The following ADK variants were observed in gnomAD, a reference collection of about 807,000 sequenced individuals.
ADK encodes the protein adenosine kinase, also known as N6,N6-dimethyladenosine kinase.
In ADK, 24 loss-of-function variants were observed where a neutral mutation model predicts 44.7. That is an observed-to-expected ratio of 0.54 (90% CI 0.39 to 0.76). ADK has a LOEUF of 0.76. ADK is among the 30% of genes least tolerant of loss of function. ADK has a pLI of 0.00. For synonymous variants in ADK, 128 were observed against 142.6 expected (o/e 0.90, Z 0.73); for missense variants, 321 against 425.1 (o/e 0.76, Z 2.15).
chr10:74,465,794 A>G (rs1383987269), intron 6 of ADK, among the ~76,000 whole-genome samples: 3 of 152,148 alleles, frequency 2.0e-5, no homozygotes, highest in Non-Finnish European at 4.4e-5. Context: ...TTTTGTATAA[A>G]TTATGGGGAA....
intron 6 of ADK, among the ~76,000 whole-genome samples, chr10:74,503,105 G>A (rs536970925): frequency 4.3e-4 from 65 of 152,004 alleles, no homozygotes; most frequent in Non-Finnish European, 2.6e-4. Flanking sequence ...ACAAAGTATG[G>A]CCTATGAGCC....
At chr10:74,323,594 G>A (rs780160436) in intron 4 of ADK, among the ~76,000 whole-genome samples, 3 of 147,446 alleles carry the variant, frequency 2.0e-5, no homozygotes, top group South Asian at 2.1e-4. Context: ...TTTTTGAGAT[G>A]GAGTCTCGCA....
chr10:74,220,967 G>A (rs909638875), intron 2 of ADK, among the ~76,000 whole-genome samples: 6 of 150,598 alleles, frequency 4.0e-5, no homozygotes, highest in Admixed American at 4.0e-4. Context: ...CACAAGACAG[G>A]GATGCCCTCT....
At chr10:74,275,306 G>C (rs1184695559) in intron 3 of ADK, among the ~76,000 whole-genome samples, 2 of 152,048 alleles carry the variant, frequency 1.3e-5, no homozygotes, top group East Asian at 1.9e-4. Flanking sequence ...CCCTCTCTGC[G>C]CTGGGGTGGG....
At chr10:74,314,782 A>G in intron 4 of ADK, 37 bp downstream of exon 4, 1 of 1,401,550 alleles carries the variant, frequency 7.1e-7, no homozygotes, top group Non-Finnish European at 1.0e-6. Context: ...AGGATTCAAA[A>G]TGATTCTAGA....
chr10:74,522,707 A>G (rs1322588504), intron 6 of ADK, among the ~76,000 whole-genome samples: 1 of 152,046 alleles, frequency 6.6e-6, no homozygotes, highest in South Asian at 2.1e-4. Flanking sequence ...TTATAAGTGA[A>G]TATCTCAGTA....
Position 74,567,705 on chromosome 10 carries a change from T to G in ADK, c.727-21577T>G, listed in dbSNP as rs1010515535. Among the ~76,000 whole-genome samples the G allele has an allele frequency of 1.9e-4, 28 of 145,844 alleles. No individual in the cohort carries two copies. In the South Asian group the frequency reaches 3.8e-3, roughly 20 times the overall value. On this transcript the variant is annotated intron_variant, in intron 7 of 10. Coordinates refer to ENST00000539909, the MANE Select transcript of ADK (RefSeq NM_006721.4). ...TGTTTTTTTTGTTTTTTTTGTTTTT[T>G]TTTTTTTTTTTGAGATGGAGTCTCG...
intron 9 of ADK, among the ~76,000 whole-genome samples, chr10:74,619,410 G>A (rs1013069312): frequency 6.6e-6 from 1 of 150,778 alleles, no homozygotes; most frequent in Non-Finnish European, 1.5e-5. Context: ...AGCCAAGATC[G>A]CACCACTGCA....
intron 4 of ADK, among the ~76,000 whole-genome samples, chr10:74,333,566 A>G (rs1348697389): frequency 6.6e-6 from 1 of 152,190 alleles, no homozygotes; most frequent in East Asian, 1.9e-4. Context: ...TTGTGAGTTA[A>G]TATCCATGGT....
intron 7 of ADK, among the ~76,000 whole-genome samples, chr10:74,547,020 C>T (rs764913008): frequency 9.2e-5 from 14 of 152,110 alleles, no homozygotes; most frequent in Non-Finnish European, 1.6e-4. Context: ...GGGTTTTTCC[C>T]ACACATTTTT....
Position 74,398,166 on chromosome 10 carries a change from T to C in ADK, c.447-305T>C, listed in dbSNP as rs78906473. Among the ~76,000 whole-genome samples the C allele has an allele frequency of 4.4e-3, 677 of 152,244 alleles. 4 individuals carry two copies. The highest frequency in any genetic ancestry group is 0.016 in the African/African-American group (652 of 41,578). The stretch of plus-strand genomic sequence containing the variant: ...TTATATAATGAGTTAGCCTTATTTC[T>C]TAACTGCATTTTGAACTATTAAGGT... On this transcript the variant is annotated intron_variant, in intron 5 of 10. Transcript: ENST00000539909.
At chr10:74,219,561 T>C (rs1476983519) in intron 2 of ADK, among the ~76,000 whole-genome samples, 1 of 152,166 alleles carries the variant, frequency 6.6e-6, no homozygotes, top group Non-Finnish European at 1.5e-5. Context: ...ATCAATAGAA[T>C]ATACATTTTT....
intron 9 of ADK, among the ~76,000 whole-genome samples, chr10:74,601,087 A>C (rs930376821): frequency 6.6e-6 from 1 of 152,004 alleles, no homozygotes; most frequent in Admixed American, 6.6e-5. Context: ...AGTTATTGTA[A>C]ACTGGAGCAA....
chr10:74,661,363 A>G (rs1255601417), intron 9 of ADK: 14 of 817,750 alleles, frequency 1.7e-5, no homozygotes, highest in Non-Finnish European at 2.1e-5. Flanking sequence ...CATTTGTCCC[A>G]AATTCCTGCC....
intron 3 of ADK, among the ~76,000 whole-genome samples, chr10:74,232,553 C>T (rs932958343): frequency 1.5e-5 from 2 of 137,680 alleles, no homozygotes; most frequent in Admixed American, 1.4e-4. Flanking sequence ...CCCGCACCCC[C>T]CCCCCCCAAA....
chr10:74,468,609 AT>A lies in ADK; in HGVS notation c.556-56646del, dbSNP rs1371216650. Among the ~76,000 whole-genome samples the A allele has an allele frequency of 2.6e-5, 4 of 152,316 alleles. No homozygotes were observed. In the East Asian group the frequency reaches 7.7e-4, roughly 29 times the overall value. ...CATAGTTTTGCCACTAATTTGTATAATGTGCAAGTTTAATAACCTTTCTGGG... is the reference window on the plus strand; with the variant it reads ...CATAGTTTTGCCACTAATTTGTATAAGTGCAAGTTTAATAACCTTTCTGGG... On this transcript the variant is annotated intron_variant, in intron 6 of 10. Coordinates refer to ENST00000539909, the MANE Select transcript of ADK (RefSeq NM_006721.4).
chr10:74,505,149 T>C (rs1260390053), intron 6 of ADK, among the ~76,000 whole-genome samples: 2 of 152,088 alleles, frequency 1.3e-5, no homozygotes, highest in Non-Finnish European at 2.9e-5. Flanking sequence ...CAGTGTAACT[T>C]TACAGAAATA....
intron 7 of ADK, among the ~76,000 whole-genome samples, chr10:74,581,021 T>C (rs11001074): frequency 1.4e-5 from 2 of 145,348 alleles, no homozygotes; most frequent in Non-Finnish European, 3.0e-5. Context: ...CAATAATAAA[T>C]ACACACACAC....
At chr10:74,609,332 C>G (rs1208784205) in intron 9 of ADK, among the ~76,000 whole-genome samples, 2 of 152,136 alleles carry the variant, frequency 1.3e-5, no homozygotes, top group African/African-American at 4.8e-5. Flanking sequence ...AAACAGCAGC[C>G]CAGTTTTGTG....
Sources: gnomAD v4.1 joint callset for allele counts (sites outside exome capture counted in the v4.1 genomes callset) on GRCh38, gnomAD v4.1.1 for gene constraint, MANE v1.5 for transcripts, NCBI Gene and HGNC (gene_info 2026-07-23, HGNC 2026-07-21) for gene names.